TRIP4: variants seen among roughly 807,000 people sequenced by gnomAD.
The protein encoded by TRIP4 is activating signal cointegrator 1.
In TRIP4, 54 loss-of-function variants were observed where a neutral mutation model predicts 81.8. That is an observed-to-expected ratio of 0.66 (90% CI 0.53 to 0.83). The LOEUF is 0.83. TRIP4 is among the 40% of genes least tolerant of loss of function. The pLI is 0.00. For missense variants in TRIP4, 662 were observed against 683.6 expected, an observed-to-expected ratio of 0.97 and a Z score of 0.35; for synonymous variants, 270 against 242.8, an observed-to-expected ratio of 1.11 and a Z score of -1.04.
chr15:64,433,015 A>G (rs1035265818), intron 11 of TRIP4, among the ~76,000 whole-genome samples: 1 of 152,190 alleles, frequency 6.6e-6, no homozygotes, highest in Non-Finnish European at 1.5e-5. Flanking sequence ...GGATGAATCA[A>G]CTGTAGATTC....
At chr15:64,435,876 T>A (rs1892382629) in intron 11 of TRIP4, among the ~76,000 whole-genome samples, 2 of 99,018 alleles carry the variant, frequency 2.0e-5, no homozygotes, top group African/African-American at 7.3e-5. Context: ...CTTCCTGGAA[T>A]ACCATAATGG....
rs537017132 is a variant in TRIP4 at position 64,428,668 on chromosome 15, G to T, written c.1575+3037G>T. On this transcript the variant is annotated intron_variant, in intron 11 of 12. Transcript: ENST00000261884. ...CTGTTGCCCAGGCTGGAATGCAGTG[G>T]TGCAATCTTGGCTCACTGCAACCTC... Among the ~76,000 whole-genome samples, 133 of 152,132 alleles carry T rather than the reference G, an allele frequency of 8.7e-4. 2 individuals carry two copies. The highest frequency in any genetic ancestry group is 3.2e-3 in the African/African-American group (132 of 41,512).
intron 5 of TRIP4, among the ~76,000 whole-genome samples, chr15:64,404,678 A>G (rs967836638): frequency 2.6e-5 from 4 of 152,068 alleles, no homozygotes; most frequent in Non-Finnish European, 4.4e-5. Flanking sequence ...TAAGGTAATC[A>G]TTCTGAGAAA....
chr15:64,416,749 T>C (rs1891898424), intron 8 of TRIP4, among the ~76,000 whole-genome samples: 1 of 152,210 alleles, frequency 6.6e-6, no homozygotes, highest in Admixed American at 6.5e-5. Context: ...CCGTATCTTT[T>C]TCATATTTTA....
In TRIP4 at chr15:64,436,063, C is replaced by T. The variant is rs185491776; in HGVS notation, c.1576-8943C>T. Among the ~76,000 whole-genome samples the T allele has an allele frequency of 5.9e-5, 9 of 151,832 alleles. No individual in the cohort carries two copies. In the East Asian group the frequency reaches 7.8e-4, roughly 13 times the overall value. The stretch of plus-strand genomic sequence containing the variant: ...TAATCCCAGCATTTTGGGAGGCCGA[C>T]GCATTTGGATCACCTGAGGTCAGGA... On this transcript the variant is annotated intron_variant, in intron 11 of 12. Transcript: ENST00000261884.
chr15:64,408,852 C>T (rs1185330703), intron 6 of TRIP4, among the ~76,000 whole-genome samples: 2 of 152,034 alleles, frequency 1.3e-5, no homozygotes, highest in African/African-American at 2.4e-5. Context: ...GGCCCCAGTG[C>T]ATTAGTGAGA....
intron 12 of TRIP4, among the ~76,000 whole-genome samples, chr15:64,449,953 C>T (rs929873483): frequency 5.9e-5 from 9 of 152,172 alleles, no homozygotes; most frequent in African/African-American, 2.2e-4. Context: ...CTTTTAGGCA[C>T]TATGATTGAG....
Position 64,409,676 on chromosome 15 carries a change from G to A in TRIP4, c.891G>A (p.Trp297Ter). 6.2e-7 allele frequency: 1 copy of A among 1,614,192 alleles called. No homozygotes were observed. The highest frequency in any genetic ancestry group is 8.5e-7 in the Non-Finnish European group (1 of 1,180,036). The change falls in exon 7 of 13, where the codon TGG (tryptophan) becomes TGA (stop). Residue 297 changes from tryptophan (W) to a stop codon, truncating the protein, a stop_gained. Coordinates refer to ENST00000261884, the MANE Select transcript of TRIP4 (RefSeq NM_016213.5). LOFTEE classifies it high-confidence loss of function. ...SDYFASDSNQWLSKLERETLQ... is the reference protein window; with the variant it reads ...SDYFASDSNQ The stretch of plus-strand genomic sequence containing the variant: ...ACTTTGCCAGTGATTCTAACCAATG[G>A]TTGTCCAAACTTGAGCGGGAAACCT...
chr15:64,413,355 T>G (rs1370633005), intron 7 of TRIP4, among the ~76,000 whole-genome samples: 1 of 151,978 alleles, frequency 6.6e-6, no homozygotes, highest in Non-Finnish European at 1.5e-5. Flanking sequence ...TAATTTATTT[T>G]TTGTAGAACC....
intron 10 of TRIP4, among the ~76,000 whole-genome samples, chr15:64,425,025 C>T (rs1261270348): frequency 1.3e-5 from 2 of 152,146 alleles, no homozygotes; most frequent in African/African-American, 2.4e-5. Context: ...GATCTGCCTG[C>T]CTTGGCCTCC....
chr15:64,403,934 G>A (rs1022080077), intron 5 of TRIP4, among the ~76,000 whole-genome samples: 9 of 152,174 alleles, frequency 5.9e-5, no homozygotes, highest in African/African-American at 1.9e-4. Flanking sequence ...GCTCATGCCT[G>A]TAATCCTAGC....
chr15:64,432,137 G>A (rs942111344), intron 11 of TRIP4, among the ~76,000 whole-genome samples: 3 of 150,762 alleles, frequency 2.0e-5, no homozygotes, highest in Admixed American at 6.6e-5. Flanking sequence ...CGCCTGCCTC[G>A]GCCTCCCAAA....
At chr15:64,438,933 C>T (rs1892458901) in intron 11 of TRIP4, among the ~76,000 whole-genome samples, 1 of 152,144 alleles carries the variant, frequency 6.6e-6, no homozygotes, top group Non-Finnish European at 1.5e-5. Flanking sequence ...TTATTTCTTT[C>T]ACCTGGTACA....
intron 1 of TRIP4, among the ~76,000 whole-genome samples, chr15:64,391,864 A>G (rs1391680374): frequency 3.3e-5 from 5 of 149,894 alleles, no homozygotes; most frequent in East Asian, 2.0e-4. Flanking sequence ...CCAGCTACTC[A>G]GGAGGCTGAG....
intron 4 of TRIP4, among the ~76,000 whole-genome samples, chr15:64,398,973 G>A (rs184427383): frequency 5.2e-4 from 57 of 109,828 alleles, no homozygotes; most frequent in African/African-American, 1.8e-3. Context: ...TTTTTGAGAC[G>A]GAGTCTCACT....
At position 64,414,045 on chromosome 15, in the gene TRIP4, ACATTACCAATTGTTG is replaced by A. The variant is rs771474435; in HGVS notation, c.1044-36_1044-22del. The A allele has an allele frequency of 3.1e-6, 5 of 1,608,750 alleles. No individual in the cohort carries two copies. The South Asian group carries it at 5.5e-5, about 18-fold the overall frequency. On this transcript the variant is annotated intron_variant, in intron 7 of 12. Transcript: ENST00000261884. ...TGGTGGTAAGCATTCTGAGCATAGAACATTACCAATTGTTGCATCCTTTTGGTTTATTATCACAGA... is the reference window on the plus strand; with the variant it reads ...TGGTGGTAAGCATTCTGAGCATAGAACATCCTTTTGGTTTATTATCACAGA...
intron 9 of TRIP4, 110 bp downstream of exon 9, chr15:64,418,838 C>G (rs11858922): frequency 1.0e-6 from 1 of 1,000,294 alleles, no homozygotes; most frequent in Non-Finnish European, 1.4e-6. Context: ...ATTTATAATA[C>G]TCTTCAATAA....
At chr15:64,403,451 G>A (rs768730373) in intron 5 of TRIP4, among the ~76,000 whole-genome samples, 5 of 152,100 alleles carry the variant, frequency 3.3e-5, no homozygotes, top group South Asian at 2.1e-4. Context: ...GAGCCACCGC[G>A]CCCAGCAGTT....
intron 10 of TRIP4, among the ~76,000 whole-genome samples, chr15:64,425,045 G>A (rs558542859): frequency 3.2e-4 from 48 of 152,272 alleles, no homozygotes; most frequent in African/African-American, 1.1e-3. Context: ...CAAAAGTGCT[G>A]GGGTTATAGG....
Sources: gnomAD v4.1 joint callset for allele counts (sites outside exome capture counted in the v4.1 genomes callset) on GRCh38, gnomAD v4.1.1 for gene constraint, MANE v1.5 for transcripts, NCBI Gene and HGNC (gene_info 2026-07-23, HGNC 2026-07-21) for gene names.